The following TMEM232 variants were observed in gnomAD, a reference collection of about 807,000 sequenced individuals.
TMEM232 encodes the protein transmembrane protein 232.
TMEM232 carries 80 observed loss-of-function variants against 78.8 expected under a neutral mutation model. The observed-to-expected ratio is 1.01, with a 90% CI of 0.85 to 1.22. The LOEUF is 1.22. Among genes scored for constraint, TMEM232 ranks in the 50% most tolerant of loss-of-function variants. TMEM232 has a pLI of 0.00. For missense variants in TMEM232, 881 were observed against 742.2 expected, an observed-to-expected ratio of 1.19 and a Z score of -2.17; for synonymous variants, 297 against 254.3, an observed-to-expected ratio of 1.17 and a Z score of -1.60.
rs182909608 is a variant in TMEM232, at chr5:110,424,323, G to A, written c.1797+500C>T. Among the ~76,000 whole-genome samples the A allele has an allele frequency of 2.0e-3, 297 of 152,240 alleles. 1 individual carries two copies. The highest frequency in any genetic ancestry group is 2.8e-3 in the Non-Finnish European group (193 of 67,990). ...TTAAAAGAACGAGGCATAAAATGAT[G>A]TGTATTTGGTTAAGAAATTATCAAC... is the stretch of plus-strand genomic sequence containing the variant. On this transcript the variant is annotated intron_variant, in intron 13 of 13. Coordinates refer to ENST00000455884, the MANE Select transcript of TMEM232 (RefSeq NM_001039763.4).
chr5:110,402,515 A>G (rs1209560763), intron 2 of TMEM232, among the ~76,000 whole-genome samples: 1 of 152,088 alleles, frequency 6.6e-6, no homozygotes, highest in Admixed American at 6.6e-5. Context: ...AAACAATACA[A>G]ACAGACCCTG....
intron 1 of TMEM232, among the ~76,000 whole-genome samples, chr5:110,673,990 G>GAAAAA (rs35347916): frequency 7.8e-6 from 1 of 127,752 alleles, no homozygotes; most frequent in Non-Finnish European, 1.6e-5. Flanking sequence ...GAGGTAACAT[G>GAAAAA]AAAAAAAAAA....
intron 12 of TMEM232, among the ~76,000 whole-genome samples, chr5:110,509,255 C>G (rs1767400305): frequency 1.3e-5 from 2 of 151,530 alleles, no homozygotes; most frequent in Non-Finnish European, 2.9e-5. Flanking sequence ...CACAGCAACA[C>G]TTTGTCTGTA....
chr5:110,469,223 A>G (rs181164160), intron 12 of TMEM232, among the ~76,000 whole-genome samples: 1 of 152,202 alleles, frequency 6.6e-6, no homozygotes, highest in African/African-American at 2.4e-5. Context: ...ACACCATACC[A>G]TTTTGGAACT....
chr5:110,470,305 C>T (rs2149373491), intron 12 of TMEM232, among the ~76,000 whole-genome samples: 1 of 152,244 alleles, frequency 6.6e-6, no homozygotes, highest in East Asian at 1.9e-4. Flanking sequence ...GAAGATGCCT[C>T]ACAGTCACAG....
intron 3 of TMEM232, among the ~76,000 whole-genome samples, chr5:110,397,122 G>A (rs1257734284): frequency 3.9e-5 from 6 of 151,992 alleles, no homozygotes; most frequent in Non-Finnish European, 7.4e-5. Flanking sequence ...ACATTAAGAC[G>A]GTTCTACAAT....
chr5:110,675,832 A>G (rs1791959926), intron 1 of TMEM232, among the ~76,000 whole-genome samples: 1 of 152,170 alleles, frequency 6.6e-6, no homozygotes, highest in African/African-American at 2.4e-5. Flanking sequence ...TCAAGTATGT[A>G]TTAACTATAG....
intron 10 of TMEM232, among the ~76,000 whole-genome samples, chr5:110,575,973 G>T (rs1380548204): frequency 1.3e-5 from 2 of 152,014 alleles, no homozygotes; most frequent in African/African-American, 2.4e-5. Flanking sequence ...AAGGAGGTTA[G>T]GTCCCTGTAC....
At position 110,528,760 on chromosome 5, in the gene TMEM232, A is replaced by G. The variant is rs1361589802; in HGVS notation, c.1531T>C (p.Phe511Leu). The G allele has an allele frequency of 6.5e-7, 1 of 1,534,098 alleles. No individual in the cohort carries two copies. Among genetic ancestry groups the G allele is most frequent in the African/African-American group, 1.4e-5 (1 of 73,048 alleles). ...NISSNVGEEV[F>L]SKYIGWRIAN... The stretch of plus-strand genomic sequence containing the variant: ...ATTCTCCACCCAATATATTTGGAGA[A>G]AACTTCTTCTCCTACATTTGATGAA... Residue 511 changes from phenylalanine to leucine, a missense_variant, in exon 12 of 14, where the codon TTC becomes CTC. Coordinates refer to ENST00000455884, the MANE Select transcript of TMEM232 (RefSeq NM_001039763.4).
At chr5:110,718,242 G>C (rs1450593659) in intron 1 of TMEM232, among the ~76,000 whole-genome samples, 1 of 152,022 alleles carries the variant, frequency 6.6e-6, no homozygotes, top group Non-Finnish European at 1.5e-5. Flanking sequence ...TTAAAAATCA[G>C]AAAAAATCTG....
intron 12 of TMEM232, among the ~76,000 whole-genome samples, chr5:110,465,570 T>G (rs1338822783): frequency 1.3e-5 from 2 of 152,230 alleles, no homozygotes; most frequent in African/African-American, 4.8e-5. Flanking sequence ...AGACTCAATA[T>G]TTTGGTATAT....
intron 11 of TMEM232, among the ~76,000 whole-genome samples, chr5:110,535,118 T>A (rs906898732): frequency 6.6e-6 from 1 of 152,156 alleles, no homozygotes; most frequent in African/African-American, 2.4e-5. Context: ...AAGATAGGAA[T>A]GTCAGGCCTC....
chr5:110,672,957 A>T (rs766051426), intron 1 of TMEM232, among the ~76,000 whole-genome samples: 10 of 152,144 alleles, frequency 6.6e-5, no homozygotes, highest in Non-Finnish European at 1.2e-4. Context: ...TACTGGGTAT[A>T]TACCCAAAGG....
At position 110,614,916 on chromosome 5, in the gene TMEM232, C is replaced by T. The variant is rs193270115; in HGVS notation, c.902+3513G>A. Reference sequence around the variant, plus strand: ...TTTAGGAGCTCTGTATTAAAATATACTAAGTAAAATTATATTAAGTGCTAT... The same window carrying T: ...TTTAGGAGCTCTGTATTAAAATATATTAAGTAAAATTATATTAAGTGCTAT... On this transcript the variant is annotated intron_variant, in intron 8 of 13. Coordinates refer to ENST00000455884, the MANE Select transcript of TMEM232 (RefSeq NM_001039763.4). Among the ~76,000 whole-genome samples the T allele has an allele frequency of 6.6e-5, 10 of 151,956 alleles. No homozygotes were observed. The East Asian group carries it at 1.9e-3, about 29-fold the overall frequency.
intron 11 of TMEM232, among the ~76,000 whole-genome samples, chr5:110,568,246 T>C (rs7709780): frequency 0.14 from 21,701 of 151,846 alleles, 3,933 homozygotes; most frequent in African/African-American, 0.43. Flanking sequence ...CAGATTTTGG[T>C]GGCCTTTACA....
chr5:110,457,494 G>A (rs1474108529), intron 12 of TMEM232, among the ~76,000 whole-genome samples: 2 of 151,868 alleles, frequency 1.3e-5, no homozygotes, highest in East Asian at 1.9e-4. Flanking sequence ...AGAATTTCAC[G>A]CCTCGGTATT....
At chr5:110,532,150 C>T (rs1432524989) in intron 11 of TMEM232, among the ~76,000 whole-genome samples, 1 of 152,130 alleles carries the variant, frequency 6.6e-6, no homozygotes, top group Non-Finnish European at 1.5e-5. Context: ...CAAAGAATAG[C>T]CGCAGCCCAG....
intron 1 of TMEM232, chr5:110,725,816 C>T (rs1193120312): frequency 6.6e-6 from 1 of 151,968 alleles, no homozygotes; most frequent in African/African-American, 2.4e-5. Flanking sequence ...CTTTAAAAGA[C>T]AATTTCTGAA....
chr5:110,614,499 T>A (rs962665008), intron 8 of TMEM232, among the ~76,000 whole-genome samples: 1 of 152,080 alleles, frequency 6.6e-6, no homozygotes, highest in Non-Finnish European at 1.5e-5. Flanking sequence ...ACACAAATCA[T>A]TAGTAAGTTA....
Sources: allele counts gnomAD v4.1 joint callset (sites outside exome capture counted in the v4.1 genomes callset), GRCh38; gene constraint gnomAD v4.1.1; transcripts MANE v1.5; gene names NCBI Gene and HGNC (gene_info 2026-07-23, HGNC 2026-07-21).